The following HNF4G variants were observed in gnomAD, a reference collection of about 807,000 sequenced individuals.
HNF4G encodes the protein hepatocyte nuclear factor 4-gamma.
A neutral mutation model predicts 50.9 loss-of-function variants in HNF4G; 21 were observed. The ratio of observed to expected loss-of-function variants is 0.41; its 90% CI spans 0.29 to 0.59. The LOEUF (loss-of-function observed/expected upper bound fraction) is 0.59, where lower values mean the gene tolerates loss of function less well. Ranked by LOEUF, HNF4G falls within the 20% of genes least tolerant of loss-of-function variation. HNF4G has a pLI of 0.26. For missense variants in HNF4G, 527 were observed against 559.4 expected (o/e 0.94, Z 0.58); for synonymous variants, 198 against 185.6 (o/e 1.07, Z -0.54).
intron 2 of HNF4G, among the ~76,000 whole-genome samples, chr8:75,523,053 A>G (rs1806087335): frequency 6.6e-6 from 1 of 151,954 alleles, no homozygotes; most frequent in East Asian, 1.9e-4. Flanking sequence ...GGTGAATCCC[A>G]TCTCTACTAA....
At chr8:75,501,914 G>A (rs1421281813) in intron 2 of HNF4G, among the ~76,000 whole-genome samples, 8 of 117,802 alleles carry the variant, frequency 6.8e-5, no homozygotes, top group African/African-American at 2.1e-4. Flanking sequence ...GTGCAGTGGC[G>A]CAATCTCGGC....
chr8:75,552,245 G>T (rs990949713), intron 4 of HNF4G, among the ~76,000 whole-genome samples: 1 of 151,958 alleles, frequency 6.6e-6, no homozygotes, highest in South Asian at 2.1e-4. Context: ...TAACATCACC[G>T]TTATCATTAT....
Position 75,553,159 on chromosome 8 carries a change from T to G in HNF4G, c.607T>G (p.Tyr203Asp). ...QLLVLVEWAK[Y>D]IPAFCELPLD... ...CTTAGTCTTGGTGGAATGGGCTAAATATATTCCTGCCTTCTGTGAATTACC... is the reference window on the plus strand; with the variant it reads ...CTTAGTCTTGGTGGAATGGGCTAAAGATATTCCTGCCTTCTGTGAATTACC... Residue 203 changes from tyrosine (Y) to aspartate (D), a missense_variant, in exon 5 of 10, where the codon TAT becomes GAT. Tyr to Asp is a radical substitution (Grantham distance 160). This residue lies in a region of HNF4G where 4 missense variants were observed against 18.1 expected (regional missense o/e 0.22). Coordinates refer to ENST00000396423, the MANE Select transcript of HNF4G (RefSeq NM_004133.5). 1.9e-6 allele frequency: 3 copies of G among 1,613,158 alleles called. No individual in the cohort carries two copies. The highest frequency in any genetic ancestry group is 2.5e-6 in the Non-Finnish European group (3 of 1,179,286).
chr8:75,500,553 G>T (rs1039456684), intron 2 of HNF4G, among the ~76,000 whole-genome samples: 6 of 152,170 alleles, frequency 3.9e-5, no homozygotes, highest in Admixed American at 6.5e-5. Context: ...ATGTTCATAT[G>T]AAAAAATATG....
At chr8:75,452,336 T>C (rs1392861829) in intron 1 of HNF4G, among the ~76,000 whole-genome samples, 2 of 152,134 alleles carry the variant, frequency 1.3e-5, no homozygotes, top group Non-Finnish European at 2.9e-5. Flanking sequence ...CAGTACATGA[T>C]TTATAGACTA....
chr8:75,455,902 A>C (rs1398104017), intron 1 of HNF4G, among the ~76,000 whole-genome samples: 1 of 152,174 alleles, frequency 6.6e-6, no homozygotes, highest in African/African-American at 2.4e-5. Context: ...AAAAAAGTCA[A>C]ACCAAAACGG....
chr8:75,550,849 C>G (rs780799018), intron 3 of HNF4G, among the ~76,000 whole-genome samples: 5 of 151,996 alleles, frequency 3.3e-5, no homozygotes, highest in Non-Finnish European at 5.9e-5. Context: ...ACATCTTTTG[C>G]TTTATTAATG....
chr8:75,515,009 T>G (rs185381354), intron 2 of HNF4G, among the ~76,000 whole-genome samples: 3 of 152,226 alleles, frequency 2.0e-5, no homozygotes, highest in Non-Finnish European at 4.4e-5. Context: ...TTAAGAAGTT[T>G]TAAGGATTAC....
At chr8:75,488,787 A>G (rs1257466318) in intron 1 of HNF4G, among the ~76,000 whole-genome samples, 1 of 152,186 alleles carries the variant, frequency 6.6e-6, no homozygotes, top group African/African-American at 2.4e-5. Context: ...CCTCAAATTT[A>G]AAAAATGAAT....
At chr8:75,556,444 T>C (rs968173714) in intron 6 of HNF4G, among the ~76,000 whole-genome samples, 1 of 152,102 alleles carries the variant, frequency 6.6e-6, no homozygotes, top group African/African-American at 2.4e-5. Context: ...TTACACACTT[T>C]AAAAAAACAT....
chr8:75,440,902 G>T (rs1379179495), intron 1 of HNF4G, among the ~76,000 whole-genome samples: 62 of 151,888 alleles, frequency 4.1e-4, no homozygotes, highest in Non-Finnish European at 1.5e-5. Flanking sequence ...ATATTGCCCA[G>T]GCTGGAGTGC....
intron 2 of HNF4G, among the ~76,000 whole-genome samples, chr8:75,526,653 G>A (rs2130757093): frequency 6.6e-6 from 1 of 151,446 alleles, no homozygotes; most frequent in South Asian, 2.1e-4. Context: ...TCCACCTCAA[G>A]CCTCCCAAGT....
At chr8:75,529,466 T>A (rs1806271627) in intron 2 of HNF4G, among the ~76,000 whole-genome samples, 1 of 151,928 alleles carries the variant, frequency 6.6e-6, no homozygotes, top group African/African-American at 2.4e-5. Context: ...GCAAAAAAAA[T>A]GGGATATATC....
intron 1 of HNF4G, among the ~76,000 whole-genome samples, chr8:75,486,315 C>T (rs748431715): frequency 2.6e-5 from 4 of 152,200 alleles, no homozygotes; most frequent in Admixed American, 6.5e-5. Flanking sequence ...TCTCCATTGT[C>T]CCTCTTATAG....
rs143615065 is a variant in HNF4G at position 75,565,129 on chromosome 8, T to C, written c.*1033T>C. 1 of 152,292 alleles carries C rather than the reference T, an allele frequency of 6.6e-6. No individual in the cohort carries two copies. Among genetic ancestry groups the C allele is most frequent in the East Asian group, 1.9e-4 (1 of 5,180 alleles). 9.4% of individuals were successfully genotyped at this position (152,292 alleles called of 1,614,324 possible). On this transcript the variant is annotated 3_prime_UTR_variant, in exon 10 of 10. Transcript: ENST00000396423. ...GGAACATAACCAAAGTTCACAAACA[T>C]AACGAGTGAGAGAAACACATTCAAG... is the stretch of plus-strand genomic sequence containing the variant.
intron 1 of HNF4G, among the ~76,000 whole-genome samples, chr8:75,461,137 C>G (rs1811828918): frequency 6.6e-6 from 1 of 152,104 alleles, no homozygotes; most frequent in African/African-American, 2.4e-5. Context: ...CACAAATTAC[C>G]ACGAACTGAG....
intron 1 of HNF4G, among the ~76,000 whole-genome samples, chr8:75,416,300 A>G (rs1169726701): frequency 6.6e-6 from 1 of 152,184 alleles, no homozygotes; most frequent in African/African-American, 2.4e-5. Flanking sequence ...ATGCAATTAG[A>G]ACATCAGATC....
In HNF4G at chr8:75,564,006, A is replaced by T. The variant is rs61753714; in HGVS notation, c.1278A>T (p.Pro426=). Reference sequence around the variant, plus strand: ...CTGAAACCCCACTCCCTTCCCCACCACAAGGCTCTGGGCAAGAACAGTACA... The same window carrying T: ...CTGAAACCCCACTCCCTTCCCCACCTCAAGGCTCTGGGCAAGAACAGTACA... ...STPETPLPSP[P]QGSGQEQYKI... is the part of the protein sequence containing the mutation. Residue 426 remains proline (P), a synonymous_variant, in exon 10 of 10, where the codon CCA becomes CCT. Coordinates refer to ENST00000396423, the MANE Select transcript of HNF4G (RefSeq NM_004133.5). 1.2e-6 allele frequency: 2 copies of T among 1,613,696 alleles called. No homozygotes were observed. Among genetic ancestry groups the T allele is most frequent in the Middle Eastern group, 1.7e-4 (1 of 6,060 alleles).
chr8:75,512,886 TACTA>T (rs767366112), intron 2 of HNF4G, among the ~76,000 whole-genome samples: 1 of 152,226 alleles, frequency 6.6e-6, no homozygotes. Flanking sequence ...TTTTATACAT[TACTA>T]ACTTAGTATG....
Sources: gnomAD v4.1 joint callset for allele counts (sites outside exome capture counted in the v4.1 genomes callset) on GRCh38, gnomAD v4.1.1 for gene constraint, gnomAD v4.1.1 regional missense constraint, MANE v1.5 for transcripts, NCBI Gene and HGNC (gene_info 2026-07-23, HGNC 2026-07-21) for gene names.